The following ITFG1 variants were observed in gnomAD, a reference collection of about 807,000 sequenced individuals.
The protein encoded by ITFG1 is T-cell immunomodulatory protein.
ITFG1 carries 34 observed loss-of-function variants against 81.8 expected under a neutral mutation model. That is an observed-to-expected ratio of 0.42 (90% CI 0.32 to 0.55). ITFG1 has a LOEUF of 0.55. Ranked by LOEUF, ITFG1 falls within the 20% of genes least tolerant of loss-of-function variation. ITFG1 has a pLI of 0.17. For synonymous variants in ITFG1, 285 were observed against 270.6 expected, an observed-to-expected ratio of 1.05 and a Z score of -0.52; for missense variants, 672 against 755.4, an observed-to-expected ratio of 0.89 and a Z score of 1.29.
At chr16:47,340,704 A>T (rs1967769436) in intron 8 of ITFG1, among the ~76,000 whole-genome samples, 1 of 152,172 alleles carries the variant, frequency 6.6e-6, no homozygotes, top group East Asian at 1.9e-4. Context: ...GTACATAAAC[A>T]CTCAAATCAA....
rs114787137 is a variant in ITFG1 at position 47,388,775 on chromosome 16, T to C, written c.656-12835A>G. Among the ~76,000 whole-genome samples, 516 of 152,308 alleles carry C rather than the reference T, an allele frequency of 3.4e-3. 2 individuals carry two copies. The highest frequency in any genetic ancestry group is 0.012 in the African/African-American group (492 of 41,554). On this transcript the variant is annotated intron_variant, in intron 6 of 17. Coordinates refer to ENST00000320640, the MANE Select transcript of ITFG1 (RefSeq NM_030790.5). ...ATCCTCTTAAAGTTGCTGCAAAGTG[T>C]GACCCCGTCTTACACTCAAGTTAAA... is the stretch of plus-strand genomic sequence containing the variant.
intron 8 of ITFG1, among the ~76,000 whole-genome samples, chr16:47,359,737 C>T (rs529808316): frequency 2.0e-5 from 3 of 152,280 alleles, no homozygotes; most frequent in East Asian, 3.9e-4. Flanking sequence ...TTATGTGTTC[C>T]GTCTGCATGG....
At chr16:47,218,549 T>A (rs1261782789) in intron 14 of ITFG1, 1 of 164,086 alleles carries the variant, frequency 6.1e-6, no homozygotes, top group Non-Finnish European at 1.3e-5. Flanking sequence ...AAGATGAACT[T>A]AATTAACTAA....
chr16:47,273,397 G>T (rs1312662141), intron 10 of ITFG1, among the ~76,000 whole-genome samples: 1 of 152,116 alleles, frequency 6.6e-6, no homozygotes, highest in Non-Finnish European at 1.5e-5. Context: ...CCTACTATCG[G>T]TAAGTGCAGA....
At chr16:47,176,197 C>G (rs1033692046) in intron 14 of ITFG1, among the ~76,000 whole-genome samples, 4 of 152,140 alleles carry the variant, frequency 2.6e-5, no homozygotes, top group Non-Finnish European at 5.9e-5. Flanking sequence ...CTGGCTCATT[C>G]CAGATAGTTC....
At chr16:47,382,886 G>A (rs542399950) in intron 6 of ITFG1, among the ~76,000 whole-genome samples, 9 of 152,180 alleles carry the variant, frequency 5.9e-5, no homozygotes, top group Admixed American at 5.9e-4. Context: ...TTTTATCATA[G>A]GAATTTATTT....
chr16:47,367,215 G>C (rs931667716), intron 7 of ITFG1, among the ~76,000 whole-genome samples: 1 of 152,164 alleles, frequency 6.6e-6, no homozygotes, highest in Non-Finnish European at 1.5e-5. Flanking sequence ...TGCCCTCTCT[G>C]GGCACTCCAA....
chr16:47,203,425 T>C (rs1379414541), intron 14 of ITFG1, among the ~76,000 whole-genome samples: 1 of 152,200 alleles, frequency 6.6e-6, no homozygotes, highest in Non-Finnish European at 1.5e-5. Flanking sequence ...TCTATTATTA[T>C]TACATTGTAA....
intron 8 of ITFG1, among the ~76,000 whole-genome samples, chr16:47,363,594 G>T (rs1968137631): frequency 1.3e-5 from 2 of 152,062 alleles, no homozygotes; most frequent in Non-Finnish European, 2.9e-5. Flanking sequence ...AATTTTACAT[G>T]AACTCAAAAG....
At chr16:47,285,519 A>G (rs367844227) in intron 10 of ITFG1, among the ~76,000 whole-genome samples, 1 of 152,174 alleles carries the variant, frequency 6.6e-6, no homozygotes, top group African/African-American at 2.4e-5. Flanking sequence ...GAAATTTCAG[A>G]GGCCTGGGCT....
chr16:47,361,991 T>C (rs1264454676), intron 8 of ITFG1, among the ~76,000 whole-genome samples: 3 of 152,180 alleles, frequency 2.0e-5, no homozygotes, highest in African/African-American at 7.2e-5. Context: ...ATGGCTTTGT[T>C]GTCTTTACAG....
At chr16:47,364,726 T>C (rs1295257752) in intron 8 of ITFG1, among the ~76,000 whole-genome samples, 1 of 152,222 alleles carries the variant, frequency 6.6e-6, no homozygotes, top group South Asian at 2.1e-4. Context: ...TTCCATGATA[T>C]GACATTATCA....
At chr16:47,351,118 A>G (rs1967947403) in intron 8 of ITFG1, among the ~76,000 whole-genome samples, 1 of 151,650 alleles carries the variant, frequency 6.6e-6, no homozygotes, top group African/African-American at 2.4e-5. Context: ...TGAATGGACA[A>G]AAACTGGAAG....
At chr16:47,173,022 C>T (rs556994362) in intron 14 of ITFG1, among the ~76,000 whole-genome samples, 3 of 152,254 alleles carry the variant, frequency 2.0e-5, no homozygotes, top group Admixed American at 2.0e-4. Context: ...TCTAGGAGTG[C>T]TTATATATTA....
intron 12 of ITFG1, among the ~76,000 whole-genome samples, chr16:47,247,332 C>A (rs1379832069): frequency 6.6e-6 from 1 of 152,088 alleles, no homozygotes; most frequent in Non-Finnish European, 1.5e-5. Flanking sequence ...TCATGAAAGG[C>A]AGAACTGATT....
At position 47,296,068 on chromosome 16, in the gene ITFG1, T is replaced by TTTTTATTTTA. The variant is rs59077423; in HGVS notation, c.1070+15162_1070+15171dup. ...CATGCATCACCATGTCCCGGCTAAGTTTTTATTTTATTTTATTTTATTTTA... is the reference window on the plus strand; with the variant it reads ...CATGCATCACCATGTCCCGGCTAAGTTTTTATTTTATTTTATTTTATTTTATTTTATTTTA... On this transcript the variant is annotated intron_variant, in intron 10 of 17. Coordinates refer to ENST00000320640, the MANE Select transcript of ITFG1 (RefSeq NM_030790.5). 9.4e-3 allele frequency among the ~76,000 whole-genome samples: 1,396 copies of TTTTTATTTTA among 148,500 alleles called. 9 individuals carry two copies. Among genetic ancestry groups the TTTTTATTTTA allele is most frequent in the African/African-American group, 0.022 (881 of 39,724 alleles).
chr16:47,444,276 A>G (rs1195551793), intron 5 of ITFG1, among the ~76,000 whole-genome samples: 1 of 152,212 alleles, frequency 6.6e-6, no homozygotes, highest in Non-Finnish European at 1.5e-5. Context: ...GCAACATGCT[A>G]TTTCTCATTA....
chr16:47,460,867 T>C lies in ITFG1; in HGVS notation c.179A>G (p.Lys60Arg). The change falls in exon 1 of 18, where the codon AAG becomes AGG. Residue 60 changes from lysine to arginine, a missense_variant. Around this residue, in one of 3 missense-constraint regions of ITFG1, gnomAD observed 560 missense variants for 625.7 expected, o/e 0.90. Coordinates refer to ENST00000320640, the MANE Select transcript of ITFG1 (RefSeq NM_030790.5). ...LAAFGDLNSDKQTDLFVLRER... is the reference protein window; with the variant it reads ...LAAFGDLNSDRQTDLFVLRER... The stretch of plus-strand genomic sequence containing the variant: ...CCGCAGCACGAAGAGATCCGTCTGC[T>C]TGTCGGAGTTGAGGTCCCCGAAAGC... The C allele has an allele frequency of 6.2e-7, 1 of 1,613,652 alleles. No homozygotes were observed. The highest frequency in any genetic ancestry group is 8.5e-7 in the Non-Finnish European group (1 of 1,179,980).
chr16:47,293,192 T>A (rs1370763455), intron 10 of ITFG1, among the ~76,000 whole-genome samples: 6 of 146,638 alleles, frequency 4.1e-5, no homozygotes, highest in South Asian at 2.1e-4. Flanking sequence ...ATGATATATA[T>A]TATATATCAT....
Sources: gnomAD v4.1 joint callset for allele counts (sites outside exome capture counted in the v4.1 genomes callset) on GRCh38, gnomAD v4.1.1 for gene constraint, gnomAD v4.1.1 regional missense constraint, MANE v1.5 for transcripts, NCBI Gene and HGNC (gene_info 2026-07-23, HGNC 2026-07-21) for gene names.